Variants in GPBP1 observed in about 807,000 individuals in gnomAD.
GPBP1 encodes the protein GC-rich promoter binding protein 1.
A neutral mutation model predicts 56.5 loss-of-function variants in GPBP1; 13 were observed. The observed-to-expected ratio is 0.23, with a 90% CI of 0.15 to 0.37. The LOEUF (loss-of-function observed/expected upper bound fraction) is 0.37, where lower values mean the gene tolerates loss of function less well. Among genes scored for constraint, GPBP1 ranks in the 10% least tolerant of loss-of-function variants. The pLI is 1.00. For missense variants in GPBP1, 477 were observed against 572.3 expected (o/e 0.83, Z 1.70); for synonymous variants, 204 against 188.9 (o/e 1.08, Z -0.66).
At chr5:57,196,228 C>G (rs1754744268) in intron 2 of GPBP1, among the ~76,000 whole-genome samples, 1 of 152,028 alleles carries the variant, frequency 6.6e-6, no homozygotes, top group Non-Finnish European at 1.5e-5. Flanking sequence ...TCTCGAAGTC[C>G]TGGCCTCAAG....
At chr5:57,184,627 A>G (rs535142299) in intron 2 of GPBP1, among the ~76,000 whole-genome samples, 6 of 152,216 alleles carry the variant, frequency 3.9e-5, no homozygotes, top group Admixed American at 1.3e-4. Flanking sequence ...GCCGCCTTCA[A>G]CATTGGGGAT....
In GPBP1 at chr5:57,262,870, T is replaced by A; in HGVS notation, c.*118T>A. On this transcript the variant is annotated 3_prime_UTR_variant, in exon 12 of 12. Coordinates refer to ENST00000506184, the MANE Select transcript of GPBP1 (RefSeq NM_022913.4). The stretch of plus-strand genomic sequence containing the variant: ...GTGAAATACCCCATTAGAAGAGGAT[T>A]TTTTGGGGGACTTCAATATGAAGAA... 1 of 842,526 alleles carries A rather than the reference T, an allele frequency of 1.2e-6. No individual in the cohort carries two copies. The highest frequency in any genetic ancestry group is 1.9e-5 in the South Asian group (1 of 52,292). 52.2% of individuals were successfully genotyped at this position (842,526 alleles called of 1,614,324 possible).
chr5:57,239,073 T>C (rs930565609), intron 6 of GPBP1, among the ~76,000 whole-genome samples: 3 of 152,236 alleles, frequency 2.0e-5, no homozygotes, highest in Admixed American at 6.5e-5. Flanking sequence ...AAATTCTTCG[T>C]TGGATTTTTT....
chr5:57,253,938 T>G (rs1323881192), intron 10 of GPBP1, among the ~76,000 whole-genome samples: 1 of 152,046 alleles, frequency 6.6e-6, no homozygotes, highest in Non-Finnish European at 1.5e-5. Flanking sequence ...CTTCTTTCGT[T>G]CTTTTCTTTC....
Position 57,262,878 on chromosome 5 carries a change from G to A in GPBP1, c.*126G>A. The A allele has an allele frequency of 1.3e-6, 1 of 762,716 alleles. No individual in the cohort carries two copies. The highest frequency in any genetic ancestry group is 1.8e-5 in the African/African-American group (1 of 56,166). 47.2% of individuals were successfully genotyped at this position (762,716 alleles called of 1,614,324 possible). A position where few individuals can be genotyped will look rare whatever the true frequency, so the allele number is the denominator to read the frequency against. Reference sequence around the variant, plus strand: ...CCCCATTAGAAGAGGATTTTTTGGGGGACTTCAATATGAAGAAAACCAAGA... The same window carrying A: ...CCCCATTAGAAGAGGATTTTTTGGGAGACTTCAATATGAAGAAAACCAAGA... On this transcript the variant is annotated 3_prime_UTR_variant, in exon 12 of 12. Coordinates refer to ENST00000506184, the MANE Select transcript of GPBP1 (RefSeq NM_022913.4).
chr5:57,197,360 CTTT>C (rs34110209), intron 2 of GPBP1, among the ~76,000 whole-genome samples: 2 of 119,882 alleles, frequency 1.7e-5, no homozygotes, highest in Admixed American at 1.0e-4. Flanking sequence ...TATCATTTTG[CTTT>C]TTTTTTTTTT....
At chr5:57,251,556 A>G (rs1218030465) in intron 10 of GPBP1, among the ~76,000 whole-genome samples, 1 of 150,786 alleles carries the variant, frequency 6.6e-6, no homozygotes, top group Non-Finnish European at 1.5e-5. Flanking sequence ...CAGTTGATGA[A>G]TATTAGTTGT....
At chr5:57,197,726 A>G (rs894142588) in intron 2 of GPBP1, among the ~76,000 whole-genome samples, 2 of 151,228 alleles carry the variant, frequency 1.3e-5, no homozygotes, top group African/African-American at 4.9e-5. Flanking sequence ...TTTTCTTTCT[A>G]GAAGTTGTTC....
chr5:57,185,783 TGAGCCCA>T (rs1190396454), intron 2 of GPBP1, among the ~76,000 whole-genome samples: 3 of 152,020 alleles, frequency 2.0e-5, no homozygotes, highest in African/African-American at 7.2e-5. Context: ...GCAGATCGCT[TGAGCCCA>T]GGAGTTCGAG....
At chr5:57,220,582 C>G (rs1430364324) in intron 3 of GPBP1, among the ~76,000 whole-genome samples, 1 of 151,760 alleles carries the variant, frequency 6.6e-6, no homozygotes, top group Non-Finnish European at 1.5e-5. Context: ...GCCTCAGCCT[C>G]CTGAGTAGTT....
intron 2 of GPBP1, among the ~76,000 whole-genome samples, chr5:57,198,174 C>G (rs961202666): frequency 6.6e-6 from 1 of 152,100 alleles, no homozygotes; most frequent in Non-Finnish European, 1.5e-5. Flanking sequence ...TTTTGCAGTC[C>G]TAAATCATTT....
rs1021743771 is a variant in GPBP1 at position 57,208,217 on chromosome 5, C to G, written c.-57-5857C>G. Among the ~76,000 whole-genome samples, 3 of 152,228 alleles carry G rather than the reference C, an allele frequency of 2.0e-5. No homozygotes were observed. In the East Asian group the frequency reaches 5.8e-4, roughly 29 times the overall value. ...TGGAGCCCTAGCCAGGGACCATGCC[C>G]TTTTCTTCCCAGCACTTCCTTGCCT... On this transcript the variant is annotated intron_variant, in intron 2 of 11. Coordinates refer to ENST00000506184, the MANE Select transcript of GPBP1 (RefSeq NM_022913.4).
intron 3 of GPBP1, among the ~76,000 whole-genome samples, chr5:57,225,031 G>A (rs1756118317): frequency 6.6e-6 from 1 of 152,058 alleles, no homozygotes; most frequent in Non-Finnish European, 1.5e-5. Flanking sequence ...CAGATGAAAA[G>A]TCTAGGTTCA....
In GPBP1 at chr5:57,175,428, T is replaced by G; in HGVS notation, c.-1010-20T>G. The G allele has an allele frequency of 2.5e-6, 1 of 398,484 alleles. No individual in the cohort carries two copies. Among genetic ancestry groups the G allele is most frequent in the Non-Finnish European group, 4.4e-6 (1 of 226,010 alleles). 24.7% of individuals were successfully genotyped at this position (398,484 alleles called of 1,614,324 possible). ...TCAAAATCAAAACTCAGTATATAAT[T>G]TTTTTTATAACTTTTACAGGTGATT... On this transcript the variant is annotated intron_variant, in intron 1 of 11. Coordinates refer to ENST00000506184, the MANE Select transcript of GPBP1 (RefSeq NM_022913.4).
chr5:57,182,384 T>A (rs1754090970), intron 2 of GPBP1, among the ~76,000 whole-genome samples: 1 of 149,246 alleles, frequency 6.7e-6, no homozygotes, highest in Admixed American at 6.7e-5. Context: ...GTGCCTGGCC[T>A]TTTTTTGAGA....
chr5:57,175,088 G>C (rs1045679849), intron 1 of GPBP1, among the ~76,000 whole-genome samples: 6 of 152,210 alleles, frequency 3.9e-5, no homozygotes, highest in African/African-American at 1.4e-4. Context: ...ATCGAAGAGG[G>C]TTGGAGATCT....
chr5:57,222,197 A>C (rs1016910598), intron 3 of GPBP1, among the ~76,000 whole-genome samples: 1 of 152,172 alleles, frequency 6.6e-6, no homozygotes, highest in Non-Finnish European at 1.5e-5. Context: ...GAGGGAATGG[A>C]TGGAGATGGT....
intron 10 of GPBP1, among the ~76,000 whole-genome samples, chr5:57,256,590 C>A (rs866843795): frequency 6.6e-6 from 1 of 151,870 alleles, no homozygotes; most frequent in African/African-American, 2.4e-5. Flanking sequence ...ATGAAGGGGG[C>A]AAACAATAAG....
intron 10 of GPBP1, among the ~76,000 whole-genome samples, chr5:57,256,938 C>T (rs1025536332): frequency 6.6e-6 from 1 of 151,958 alleles, no homozygotes; most frequent in African/African-American, 2.4e-5. Context: ...TTTTCCATTG[C>T]TTCATATTTT....
Sources: allele counts gnomAD v4.1 joint callset (sites outside exome capture counted in the v4.1 genomes callset), GRCh38; gene constraint gnomAD v4.1.1; transcripts MANE v1.5; gene names NCBI Gene and HGNC (gene_info 2026-07-23, HGNC 2026-07-21).